Variants in TRAM2 observed in about 807,000 individuals in gnomAD.
TRAM2 encodes the protein translocation associated membrane protein 2.
Under a neutral mutation model 51.0 loss-of-function variants are expected in TRAM2, and 12 were observed. That is an observed-to-expected ratio of 0.24 (90% CI 0.15 to 0.38). TRAM2 has a LOEUF of 0.38. Among genes scored for constraint, TRAM2 ranks in the 10% least tolerant of loss-of-function variants. The probability of loss-of-function intolerance (pLI) is 1.00; values close to 1 mark genes in which losing one functional copy is unlikely to be tolerated. For synonymous variants in TRAM2, 175 were observed against 179.4 expected, an observed-to-expected ratio of 0.98 and a Z score of 0.20; for missense variants, 361 against 462.0, an observed-to-expected ratio of 0.78 and a Z score of 2.00.
At chr6:52,505,170 G>A (rs1242350008) in intron 9 of TRAM2, among the ~76,000 whole-genome samples, 1 of 152,186 alleles carries the variant, frequency 6.6e-6, no homozygotes, top group African/African-American at 2.4e-5. Context: ...CTTAAAAGTG[G>A]AGCAACCCTG....
At chr6:52,544,594 C>T (rs776231107) in intron 1 of TRAM2, among the ~76,000 whole-genome samples, 21 of 152,234 alleles carry the variant, frequency 1.4e-4, no homozygotes, top group African/African-American at 4.1e-4. Flanking sequence ...CCATCTTGCT[C>T]GAGTCTACAA....
Position 52,506,204 on chromosome 6 carries a change from T to C in TRAM2, c.627-68A>G, listed in dbSNP as rs2114060750. 4 of 1,460,650 alleles carry C rather than the reference T, an allele frequency of 2.7e-6. No individual in the cohort carries two copies. The East Asian group carries it at 9.1e-5, about 33-fold the overall frequency. The allele number at this position is 1,460,650 out of a possible 1,614,324, so 90.5% of individuals were successfully genotyped here. ...TGCGTGGAGCAGAAGCCATTGCATC[T>C]TGGCTCAGGCTGTCCCCTGTGCCTG... On this transcript the variant is annotated intron_variant, in intron 7 of 10. Transcript: ENST00000182527.
chr6:52,518,939 G>A (rs1255086397), intron 2 of TRAM2, among the ~76,000 whole-genome samples: 2 of 152,172 alleles, frequency 1.3e-5, no homozygotes, highest in Non-Finnish European at 2.9e-5. Flanking sequence ...AACAGTACCT[G>A]ACAAGACCTT....
intron 1 of TRAM2, among the ~76,000 whole-genome samples, chr6:52,540,989 C>T (rs1198681895): frequency 1.3e-5 from 2 of 152,178 alleles, no homozygotes; most frequent in Admixed American, 1.3e-4. Flanking sequence ...AACACAAAGG[C>T]AAAGGCCTTG....
chr6:52,506,224 T>C, intron 7 of TRAM2, 88 bp from the exon 8 acceptor site: 1 of 1,237,010 alleles, frequency 8.1e-7, no homozygotes, highest in Non-Finnish European at 1.2e-6. Flanking sequence ...CTGTCCCCTG[T>C]GCCTGGCTGG....
intron 1 of TRAM2, among the ~76,000 whole-genome samples, chr6:52,547,834 A>G (rs1354646366): frequency 1.3e-5 from 2 of 152,238 alleles, no homozygotes; most frequent in East Asian, 3.9e-4. Context: ...ATCAGAACCC[A>G]CAGATATGCA....
chr6:52,504,388 C>A (rs1374459714), intron 10 of TRAM2, among the ~76,000 whole-genome samples: 2 of 152,172 alleles, frequency 1.3e-5, no homozygotes, highest in African/African-American at 4.8e-5. Context: ...AGGGCCAGCC[C>A]CACCCACAGC....
intron 2 of TRAM2, among the ~76,000 whole-genome samples, chr6:52,519,325 G>A (rs1766619466): frequency 6.6e-6 from 1 of 152,142 alleles, no homozygotes; most frequent in African/African-American, 2.4e-5. Context: ...TTCTTGAAGA[G>A]ACATTTCTCC....
chr6:52,506,120 G>T lies in TRAM2; in HGVS notation c.643C>A (p.Leu215Met). 1.2e-6 allele frequency: 2 copies of T among 1,613,986 alleles called. No homozygotes were observed. Among genetic ancestry groups the T allele is most frequent in the Non-Finnish European group, 1.7e-6 (2 of 1,180,046 alleles). Residue 215 changes from leucine (L) to methionine (M), a missense_variant, in exon 8 of 11, where the codon CTG becomes ATG. Coordinates refer to ENST00000182527, the MANE Select transcript of TRAM2 (RefSeq NM_012288.4). ...AYLLNLSRLG[L>M]ILLLLQYSTE... ...GAGTACTGCAGCAGCAGCAAGATCA[G>T]GCCCAGGCGGCTCAGGCTGGGGGTG...
intron 4 of TRAM2, among the ~76,000 whole-genome samples, chr6:52,511,483 A>G (rs1425679677): frequency 6.6e-6 from 1 of 152,200 alleles, no homozygotes; most frequent in East Asian, 1.9e-4. Flanking sequence ...GCTTCAGTAA[A>G]TCAGAAAATC....
intron 2 of TRAM2, among the ~76,000 whole-genome samples, chr6:52,521,926 G>C (rs1766684232): frequency 6.6e-6 from 1 of 152,200 alleles, no homozygotes; most frequent in East Asian, 1.9e-4. Context: ...TGAGGCCAGA[G>C]AGGTGACTCT....
At chr6:52,554,403 C>G (rs1248501893) in intron 1 of TRAM2, among the ~76,000 whole-genome samples, 1 of 151,442 alleles carries the variant, frequency 6.6e-6, no homozygotes, top group Non-Finnish European at 1.5e-5. Flanking sequence ...GTCTGTAATC[C>G]CAGCTACTCG....
At chr6:52,548,059 T>C (rs1477285909) in intron 1 of TRAM2, among the ~76,000 whole-genome samples, 3 of 152,378 alleles carry the variant, frequency 2.0e-5, no homozygotes, top group Non-Finnish European at 2.9e-5. Context: ...CCTAGTAATA[T>C]GTCTTTGTTT....
chr6:52,533,081 G>A (rs1332901906), intron 2 of TRAM2, among the ~76,000 whole-genome samples: 1 of 144,258 alleles, frequency 6.9e-6, no homozygotes, highest in Admixed American at 7.2e-5. Context: ...AATGGGGGCT[G>A]TTGGGGGCTA....
intron 1 of TRAM2, among the ~76,000 whole-genome samples, chr6:52,550,676 C>T (rs1767292269): frequency 6.6e-6 from 1 of 152,054 alleles, no homozygotes; most frequent in African/African-American, 2.4e-5. Context: ...CTCAGCCTCC[C>T]GAATAGCTAG....
At chr6:52,570,135 G>A (rs966822250) in intron 1 of TRAM2, among the ~76,000 whole-genome samples, 1 of 152,178 alleles carries the variant, frequency 6.6e-6, no homozygotes, top group Non-Finnish European at 1.5e-5. Flanking sequence ...TTGAGCTACA[G>A]CTACAATGTT....
At chr6:52,535,919 C>T (rs1358906070) in intron 1 of TRAM2, 73 bp from the exon 2 acceptor site, 34 of 1,327,944 alleles carry the variant, frequency 2.6e-5, no homozygotes, top group Non-Finnish European at 3.3e-5. Flanking sequence ...AGCTGCTAAC[C>T]GCCCCTTTTA....
At chr6:52,529,151 G>A (rs1000264472) in intron 2 of TRAM2, among the ~76,000 whole-genome samples, 19 of 152,082 alleles carry the variant, frequency 1.2e-4, no homozygotes, top group Admixed American at 2.0e-4. Context: ...TCGGCCTCCC[G>A]AAGTGCTGGG....
At chr6:52,576,710 G>A in intron 1 of TRAM2, 86 bp downstream of exon 1, 3 of 1,523,298 alleles carry the variant, frequency 2.0e-6, no homozygotes, top group Middle Eastern at 1.7e-4. Context: ...CCGATCAGAG[G>A]AGGGCCCGCT....
Sources: allele counts gnomAD v4.1 joint callset (sites outside exome capture counted in the v4.1 genomes callset), GRCh38; gene constraint gnomAD v4.1.1; transcripts MANE v1.5; gene names NCBI Gene and HGNC (gene_info 2026-07-23, HGNC 2026-07-21).